Variants in ALCAM observed in about 807,000 individuals in gnomAD.
The protein encoded by ALCAM is CD166 antigen.
A neutral mutation model predicts 70.9 loss-of-function variants in ALCAM; 30 were observed. That is an observed-to-expected ratio of 0.42 (90% CI 0.32 to 0.57). ALCAM has a LOEUF of 0.57. Among genes scored for constraint, ALCAM ranks in the 20% least tolerant of loss-of-function variants. The pLI is 0.11. For missense variants in ALCAM, 591 were observed against 695.1 expected, an observed-to-expected ratio of 0.85 and a Z score of 1.68; for synonymous variants, 249 against 242.5, an observed-to-expected ratio of 1.03 and a Z score of -0.25.
intron 1 of ALCAM, among the ~76,000 whole-genome samples, chr3:105,426,211 T>A (rs1338680116): frequency 6.6e-6 from 1 of 151,866 alleles, no homozygotes; most frequent in East Asian, 1.9e-4. Flanking sequence ...ACTGGTAAAA[T>A]TAGAAGGTTA....
At chr3:105,468,629 A>G (rs779680012) in intron 1 of ALCAM, among the ~76,000 whole-genome samples, 17 of 151,234 alleles carry the variant, frequency 1.1e-4, no homozygotes, top group Non-Finnish European at 2.1e-4. Context: ...GTACTTTGCC[A>G]TTTCTGTTCC....
intron 7 of ALCAM, 145 bp from the exon 8 acceptor site, chr3:105,541,488 C>A: frequency 1.2e-6 from 1 of 823,146 alleles, no homozygotes; most frequent in Non-Finnish European, 1.8e-6. Flanking sequence ...ATATTGGTAA[C>A]ACAAACTGTA....
chr3:105,447,281 TA>T (rs928051606), intron 1 of ALCAM, among the ~76,000 whole-genome samples: 4 of 151,534 alleles, frequency 2.6e-5, no homozygotes, highest in African/African-American at 7.3e-5. Context: ...TCCTAAATAC[TA>T]AAAAAAAATT....
chr3:105,394,215 C>T (rs1045623427), intron 1 of ALCAM, among the ~76,000 whole-genome samples: 3 of 151,812 alleles, frequency 2.0e-5, no homozygotes, highest in African/African-American at 7.3e-5. Flanking sequence ...TTAAAGTAAT[C>T]GGTTAATTTT....
intron 1 of ALCAM, among the ~76,000 whole-genome samples, chr3:105,442,372 C>G (rs1937191313): frequency 6.6e-6 from 1 of 152,042 alleles, no homozygotes; most frequent in Non-Finnish European, 1.5e-5. Flanking sequence ...ATTTATTTTA[C>G]TTTAAGTGAA....
At chr3:105,396,439 T>C (rs1356274133) in intron 1 of ALCAM, among the ~76,000 whole-genome samples, 1 of 151,930 alleles carries the variant, frequency 6.6e-6, no homozygotes, top group African/African-American at 2.4e-5. Context: ...CAGGGATTGA[T>C]TGGGCAATGT....
At chr3:105,465,076 A>G (rs1480557844) in intron 1 of ALCAM, among the ~76,000 whole-genome samples, 1 of 151,514 alleles carries the variant, frequency 6.6e-6, no homozygotes, top group Non-Finnish European at 1.5e-5. Context: ...ATGAGAAAAA[A>G]TAGTATCACT....
At chr3:105,404,144 TA>T (rs1284349825) in intron 1 of ALCAM, among the ~76,000 whole-genome samples, 1 of 152,062 alleles carries the variant, frequency 6.6e-6, no homozygotes, top group Non-Finnish European at 1.5e-5. Context: ...AAGAGAAATC[TA>T]AAAGTATTGA....
chr3:105,459,189 T>TTTGCATATTC (rs1296904573), intron 1 of ALCAM, among the ~76,000 whole-genome samples: 2 of 152,156 alleles, frequency 1.3e-5, no homozygotes, highest in African/African-American at 4.8e-5. Flanking sequence ...TTTCCAATTG[T>TTTGCATATTC]TTGCATATTC....
At chr3:105,377,666 G>C (rs571882513) in intron 1 of ALCAM, among the ~76,000 whole-genome samples, 44 of 152,116 alleles carry the variant, frequency 2.9e-4, no homozygotes, top group African/African-American at 1.0e-3. Flanking sequence ...CCAGAAATGG[G>C]AAAAGACAGG....
intron 1 of ALCAM, among the ~76,000 whole-genome samples, chr3:105,459,042 T>A (rs1029219857): frequency 2.0e-5 from 3 of 152,206 alleles, no homozygotes; most frequent in Admixed American, 1.3e-4. Flanking sequence ...TTGTGTTGGA[T>A]GCTTAACAAC....
chr3:105,554,052 T>C (rs746604645), intron 14 of ALCAM, among the ~76,000 whole-genome samples: 1 of 151,856 alleles, frequency 6.6e-6, no homozygotes, highest in Non-Finnish European at 1.5e-5. Context: ...CAATACTTGG[T>C]ATACGAGTCA....
intron 1 of ALCAM, among the ~76,000 whole-genome samples, chr3:105,499,385 T>C (rs978167512): frequency 1.3e-5 from 2 of 152,210 alleles, no homozygotes; most frequent in East Asian, 3.8e-4. Flanking sequence ...ATTATGTGAC[T>C]CTTTCATACT....
At chr3:105,524,063 A>T (rs76392035) in intron 2 of ALCAM, among the ~76,000 whole-genome samples, 2 of 152,150 alleles carry the variant, frequency 1.3e-5, no homozygotes, top group Non-Finnish European at 2.9e-5. Flanking sequence ...TGAAAAAAAA[A>T]TCTGATTCCT....
chr3:105,417,827 A>G (rs1474949960), intron 1 of ALCAM, among the ~76,000 whole-genome samples: 1 of 151,850 alleles, frequency 6.6e-6, no homozygotes, highest in Non-Finnish European at 1.5e-5. Context: ...CTCTTAGGAC[A>G]TACAGAAGAT....
intron 2 of ALCAM, among the ~76,000 whole-genome samples, chr3:105,521,966 G>A (rs1400004717): frequency 6.6e-6 from 1 of 152,206 alleles, no homozygotes; most frequent in Non-Finnish European, 1.5e-5. Flanking sequence ...AAAATTCCAA[G>A]TGCCTGGGAG....
At chr3:105,493,325 CA>C (rs1486567067) in intron 1 of ALCAM, among the ~76,000 whole-genome samples, 3 of 152,040 alleles carry the variant, frequency 2.0e-5, no homozygotes, top group Non-Finnish European at 4.4e-5. Flanking sequence ...TAATAATAAT[CA>C]CATTTATTAA....
chr3:105,511,172 C>A (rs1487359165), intron 1 of ALCAM, among the ~76,000 whole-genome samples: 1 of 151,984 alleles, frequency 6.6e-6, no homozygotes, highest in Non-Finnish European at 1.5e-5. Flanking sequence ...GTCAGTATGA[C>A]TCTCTAAGTT....
Position 105,498,681 on chromosome 3 carries a change from G to T in ALCAM, c.74-21386G>T, listed in dbSNP as rs185906165. Among the ~76,000 whole-genome samples the T allele has an allele frequency of 3.5e-4, 53 of 152,202 alleles. 1 individual carries two copies. The Middle Eastern group carries it at 0.01, about 29-fold the overall frequency. On this transcript the variant is annotated intron_variant, in intron 1 of 15. Transcript: ENST00000306107. Reference sequence around the variant, plus strand: ...GCTTGGAGCTCCACTATCCAAGAGAGGCAAATGGCTGTTAAGGAATCTAGT... The same window carrying T: ...GCTTGGAGCTCCACTATCCAAGAGATGCAAATGGCTGTTAAGGAATCTAGT...
Sources: gnomAD v4.1 joint callset for allele counts (sites outside exome capture counted in the v4.1 genomes callset) on GRCh38, gnomAD v4.1.1 for gene constraint, MANE v1.5 for transcripts, NCBI Gene and HGNC (gene_info 2026-07-23, HGNC 2026-07-21) for gene names.